ADGRL2: variants seen among roughly 807,000 people sequenced by gnomAD.
ADGRL2 encodes the protein adhesion G protein-coupled receptor L2.
Under a neutral mutation model 157.4 loss-of-function variants are expected in ADGRL2, and 44 were observed. The ratio of observed to expected loss-of-function variants is 0.28; its 90% confidence interval spans 0.22 to 0.36. The LOEUF (loss-of-function observed/expected upper bound fraction) is 0.36. Among genes scored for constraint, ADGRL2 ranks in the 10% least tolerant of loss-of-function variants. The probability of loss-of-function intolerance (pLI) is 1.00; values close to 1 mark genes in which losing one functional copy is unlikely to be tolerated. For missense variants in ADGRL2, 1,510 were observed against 1,768.9 expected, an observed-to-expected ratio of 0.85 and a Z score of 2.63; for synonymous variants, 585 against 624.7, an observed-to-expected ratio of 0.94 and a Z score of 0.95.
In ADGRL2 at chr1:81,476,195, A is replaced by T. The variant is rs545479437; in HGVS notation, c.-248+31106A>T. Among the ~76,000 whole-genome samples the T allele has an allele frequency of 2.0e-5, 3 of 152,288 alleles. No individual in the cohort carries two copies. In the South Asian group the frequency reaches 6.2e-4, roughly 32 times the overall value. On this transcript the variant is annotated intron_variant, in intron 2 of 24. Coordinates refer to the ADGRL2 transcript ENST00000370721. The stretch of plus-strand genomic sequence containing the variant: ...AGAAAGAAAAAGAAAAAAAGGAAAG[A>T]AAGGGAAAGCAAAAAAGAATGAAAC...
intron 1 of ADGRL2, among the ~76,000 whole-genome samples, chr1:81,336,834 T>A (rs1661675934): frequency 6.6e-6 from 1 of 152,098 alleles, no homozygotes; most frequent in African/African-American, 2.4e-5. Context: ...GTTTTCCCAC[T>A]CGAATGTTAC....
chr1:81,814,282 T>G (rs1463838651), intron 1 of ADGRL2, among the ~76,000 whole-genome samples: 2 of 151,656 alleles, frequency 1.3e-5, no homozygotes, highest in Non-Finnish European at 3.0e-5. Flanking sequence ...TATATATTAA[T>G]TGTTCTTGCA....
chr1:81,448,776 A>G (rs1030859357), intron 2 of ADGRL2, among the ~76,000 whole-genome samples: 4 of 152,108 alleles, frequency 2.6e-5, no homozygotes, highest in African/African-American at 9.7e-5. Flanking sequence ...TTTAAATCAC[A>G]AAAAAAGGCT....
intron 2 of ADGRL2, among the ~76,000 whole-genome samples, chr1:81,534,717 T>G (rs563121742): frequency 7.2e-5 from 11 of 152,338 alleles, no homozygotes; most frequent in African/African-American, 2.6e-4. Flanking sequence ...AGTTTCTGAC[T>G]ACCTCCCGCT....
chr1:81,605,675 C>A (rs1234687750), intron 3 of ADGRL2, among the ~76,000 whole-genome samples: 1 of 152,192 alleles, frequency 6.6e-6, no homozygotes, highest in African/African-American at 2.4e-5. Context: ...GAGCTAGGAC[C>A]TTGCAGTGAT....
At chr1:81,314,619 G>A (rs17418850) in intron 1 of ADGRL2, among the ~76,000 whole-genome samples, 67,607 of 151,994 alleles carry the variant, frequency 0.44, 15,429 homozygotes, top group Middle Eastern at 0.55. Flanking sequence ...TTTTTTCCTT[G>A]AGATAGTAGT....
At chr1:81,919,276 C>T (rs537266579) in intron 3 of ADGRL2, among the ~76,000 whole-genome samples, 13 of 152,178 alleles carry the variant, frequency 8.5e-5, no homozygotes, top group South Asian at 4.1e-4. Flanking sequence ...AACCCATTTT[C>T]GCAGTTTATG....
At position 81,791,664 on chromosome 1, in the gene ADGRL2, A is replaced by G. The variant is rs186724149; in HGVS notation, c.-101+29812A>G. 3.1e-3 allele frequency among the ~76,000 whole-genome samples: 467 copies of G among 152,336 alleles called. 6 individuals are homozygous for G. Among genetic ancestry groups the G allele is most frequent in the African/African-American group, 0.011 (449 of 41,588 alleles). On this transcript the variant is annotated intron_variant, in intron 2 of 20. Transcript: ENST00000359929. ...AAGGAGATGAGCAGGTTAAAAAAAA[A>G]TAGATACATATTACCTATTATGTTC... is the stretch of plus-strand genomic sequence containing the variant.
chr1:81,986,043 A>T (rs1169619611), intron 21 of ADGRL2, among the ~76,000 whole-genome samples: 1 of 152,058 alleles, frequency 6.6e-6, no homozygotes, highest in South Asian at 2.1e-4. Context: ...TTCTAGTGAG[A>T]TTCTCATTTA....
At chr1:81,794,523 A>C (rs1044177814) in intron 2 of ADGRL2, among the ~76,000 whole-genome samples, 1 of 152,206 alleles carries the variant, frequency 6.6e-6, no homozygotes, top group African/African-American at 2.4e-5. Flanking sequence ...TTGTATTTCT[A>C]ACCTAAAACA....
At chr1:81,967,969 G>T (rs1416997307) in intron 13 of ADGRL2, 57 bp from the exon 14 acceptor site, 2 of 1,349,558 alleles carry the variant, frequency 1.5e-6, no homozygotes, top group Non-Finnish European at 2.1e-6. Flanking sequence ...TTAAACAATT[G>T]CTGTTGCCAT....
chr1:81,736,360 C>G (rs1037607146), intron 1 of ADGRL2, among the ~76,000 whole-genome samples: 4 of 152,082 alleles, frequency 2.6e-5, no homozygotes, highest in Admixed American at 2.6e-4. Flanking sequence ...GGTATCTCCC[C>G]TTGATATTGT....
At chr1:81,436,975 T>G (rs1329616735) in intron 1 of ADGRL2, among the ~76,000 whole-genome samples, 2 of 152,254 alleles carry the variant, frequency 1.3e-5, no homozygotes, top group Non-Finnish European at 2.9e-5. Flanking sequence ...CTTACGATAG[T>G]AAATCCAGAT....
chr1:81,838,065 A>T (rs1316138058), intron 2 of ADGRL2, among the ~76,000 whole-genome samples: 1 of 152,020 alleles, frequency 6.6e-6, no homozygotes, highest in Non-Finnish European at 1.5e-5. Context: ...GATCTCACTT[A>T]TACCGATTAT....
At chr1:81,527,144 G>C (rs528285943) in intron 2 of ADGRL2, among the ~76,000 whole-genome samples, 1 of 152,258 alleles carries the variant, frequency 6.6e-6, no homozygotes, top group Non-Finnish European at 1.5e-5. Flanking sequence ...GGTACTATTA[G>C]GATCACCAAT....
rs537873687 is a variant in ADGRL2 at position 81,914,185 on chromosome 1, T to C, written c.287+6955T>C. On this transcript the variant is annotated intron_variant, in intron 3 of 23. Transcript: ENST00000686636. ...CGTACAGTCCTCTCAACTTTTTACA[T>C]TGATCATCCATTCTTCATAAAGAAG... Among the ~76,000 whole-genome samples the C allele has an allele frequency of 3.9e-5, 6 of 152,278 alleles. No individual in the cohort carries two copies. In the South Asian group the frequency reaches 1.0e-3, roughly 26 times the overall value.
chr1:81,661,776 C>G (rs2082655115), intron 3 of ADGRL2, among the ~76,000 whole-genome samples: 1 of 152,198 alleles, frequency 6.6e-6, no homozygotes, highest in South Asian at 2.1e-4. Flanking sequence ...CAAGTTTTGA[C>G]AATAAATCAT....
intron 1 of ADGRL2, among the ~76,000 whole-genome samples, chr1:81,716,074 A>C (rs1246921132): frequency 6.6e-6 from 1 of 152,218 alleles, no homozygotes; most frequent in Non-Finnish European, 1.5e-5. Context: ...GAGAAGAAAG[A>C]AAGGCATTTT....
At chr1:81,934,389 A>T (rs1205750910) in intron 3 of ADGRL2, among the ~76,000 whole-genome samples, 1 of 152,062 alleles carries the variant, frequency 6.6e-6, no homozygotes, top group African/African-American at 2.4e-5. Flanking sequence ...ATACAGTAAA[A>T]GATCTCTAAG....
Sources: allele counts gnomAD v4.1 joint callset (sites outside exome capture counted in the v4.1 genomes callset), GRCh38; gene constraint gnomAD v4.1.1; transcripts MANE v1.5; gene names NCBI Gene and HGNC (gene_info 2026-07-23, HGNC 2026-07-21).